The following MAGOHB variants were observed in gnomAD, a reference collection of about 807,000 sequenced individuals.
MAGOHB encodes protein mago nashi homolog 2.
Under a neutral mutation model 20.9 loss-of-function variants are expected in MAGOHB, and 15 were observed. The ratio of observed to expected loss-of-function variants is 0.72; its 90% CI spans 0.48 to 1.11. MAGOHB has a LOEUF of 1.11. Ranked by LOEUF, MAGOHB falls within the 50% of genes least tolerant of loss-of-function variation. The pLI, the probability that MAGOHB is intolerant of heterozygous loss-of-function variation, is 0.00. For synonymous variants in MAGOHB, 50 were observed against 57.9 expected, an observed-to-expected ratio of 0.86 and a Z score of 0.62; for missense variants, 162 against 177.6, an observed-to-expected ratio of 0.91 and a Z score of 0.50.
intron 1 of MAGOHB, chr12:10,612,597 G>T: frequency 1.0e-6 from 1 of 986,956 alleles, no homozygotes. Flanking sequence ...CTCCCACCAA[G>T]ACAAATCTGC....
At chr12:10,600,572 AAATT>A (rs1376848487), downstream of MAGOHB, among the ~76,000 whole-genome samples, 7 of 152,214 alleles carry the variant, frequency 4.6e-5, no homozygotes, top group African/African-American at 1.4e-4. Flanking sequence ...AGATACTGGC[AAATT>A]ATTTCTCTAC....
At chr12:10,609,979 C>G (rs760829888) in intron 2 of MAGOHB, 38 bp from the exon 3 acceptor site, 5 of 1,136,342 alleles carry the variant, frequency 4.4e-6, no homozygotes, top group Non-Finnish European at 6.4e-6. Flanking sequence ...TAATGCCCAC[C>G]TATGTCACCC....
intron 1 of MAGOHB, among the ~76,000 whole-genome samples, chr12:10,611,080 TTC>T (rs1175404336): frequency 1.3e-5 from 2 of 152,346 alleles, no homozygotes; most frequent in South Asian, 2.1e-4. Flanking sequence ...TCGGGTTTTA[TTC>T]TCTCACCTAT....
At chr12:10,609,660 GGTAGCAC>G (rs1479016527) in intron 3 of MAGOHB, 164 bp downstream of exon 3, 1 of 587,766 alleles carries the variant, frequency 1.7e-6, no homozygotes, top group Non-Finnish European at 3.0e-6. Context: ...ACTACTAGGA[GGTAGCAC>G]AGAAAAACAG....
At chr12:10,612,192 TAACATAAC>T in intron 1 of MAGOHB, among the ~76,000 whole-genome samples, 1 of 31,556 alleles carries the variant, frequency 3.2e-5, no homozygotes, top group Non-Finnish European at 1.1e-4. Flanking sequence ...CTACAAAAAA[TAACATAAC>T]ATAACATAAC....
chr12:10,609,845 T>C lies in MAGOHB; in HGVS notation c.250A>G (p.Arg84Gly). The C allele has an allele frequency of 6.2e-7, 1 of 1,608,198 alleles. No individual in the cohort carries two copies. Among genetic ancestry groups the C allele is most frequent in the Non-Finnish European group, 8.5e-7 (1 of 1,175,310 alleles). Residue 84 changes from arginine (R) to glycine (G), a missense_variant, in exon 3 of 5, where the codon AGG (arginine) becomes GGG (glycine). Physicochemically the swap from Arg to Gly is moderately radical, Grantham distance 125. Transcript: ENST00000320756. ...TAAATACAAACCTGTCGGCCAACCC[T>C]ATCAGGGGGAGGCCACAAAGCATCA... ...EDDALWPPPD[R>G]VGRQELEIVI...
At chr12:10,602,837 C>T (rs148314900), downstream of MAGOHB, among the ~76,000 whole-genome samples, 33 of 152,248 alleles carry the variant, frequency 2.2e-4, no homozygotes, top group Middle Eastern at 3.4e-3. Context: ...GTCACACTGT[C>T]AAACCTCAGT....
rs555120567 is a variant in MAGOHB at position 10,613,584 on chromosome 12, C to T, written c.-52G>A. 8 of 1,220,144 alleles carry T rather than the reference C, an allele frequency of 6.6e-6. No homozygotes were observed. In the South Asian group the frequency reaches 7.2e-5, roughly 11 times the overall value. 75.6% of individuals were successfully genotyped at this position (1,220,144 alleles called of 1,614,324 possible). A position where few individuals can be genotyped will look rare whatever the true frequency, so the allele number is the denominator to read the frequency against. On this transcript the variant is annotated 5_prime_UTR_variant, in exon 1 of 5. Coordinates refer to ENST00000320756, the MANE Select transcript of MAGOHB (RefSeq NM_018048.5). ...ACGCAGCCAACGTGTCCCCCGGCGC[C>T]TTGCAGTGACGTCATCGCGCGGAAT...
At chr12:10,607,539 T>A (rs763970645) in intron 4 of MAGOHB, among the ~76,000 whole-genome samples, 7 of 152,212 alleles carry the variant, frequency 4.6e-5, no homozygotes, top group Non-Finnish European at 1.0e-4. Flanking sequence ...GAGGCTGACA[T>A]AATCCAATAA....
downstream of MAGOHB, among the ~76,000 whole-genome samples, chr12:10,600,397 CTTT>C (rs879519874): frequency 7.0e-6 from 1 of 143,728 alleles, no homozygotes; most frequent in African/African-American, 2.5e-5. Context: ...TTGGTCTGTA[CTTT>C]TTTTTTTTAG....
chr12:10,610,563 A>AC (rs1865708421), intron 2 of MAGOHB, 59 bp downstream of exon 2: 2 of 1,459,748 alleles, frequency 1.4e-6, no homozygotes, highest in East Asian at 5.5e-5. Flanking sequence ...GACTTGAAGA[A>AC]AATGGGCTAA....
chr12:10,610,540 T>A (rs564630751), intron 2 of MAGOHB, 82 bp downstream of exon 2: 8 of 1,384,302 alleles, frequency 5.8e-6, no homozygotes, highest in African/African-American at 5.2e-5. Flanking sequence ...TGTACTTTTT[T>A]AAATTCAACA....
rs1230092561 is a variant in MAGOHB, at chr12:10,605,187, T to A, written c.*1088A>T. 6.6e-6 allele frequency: 1 copy of A among 152,224 alleles called. No individual in the cohort carries two copies. The allele number at this position is 152,224 out of a possible 1,614,324, so 9.4% of individuals were successfully genotyped here. On this transcript the variant is annotated 3_prime_UTR_variant, in exon 5 of 5. Transcript: ENST00000320756. ...TCAGTTATACAAGGCACACCTCAAG[T>A]AATCAGTAGGCCTCATTTGGCCAGT...
downstream of MAGOHB, among the ~76,000 whole-genome samples, chr12:10,602,479 GAAGAT>G (rs1170263863): frequency 3.3e-5 from 5 of 152,192 alleles, no homozygotes; most frequent in African/African-American, 9.6e-5. Flanking sequence ...ATCAGCACCA[GAAGAT>G]AACAGTAACT....
At position 10,613,384 on chromosome 12, in the gene MAGOHB, G is replaced by C. The variant is rs1444819918; in HGVS notation, c.94+55C>G. 2.8e-5 allele frequency: 41 copies of C among 1,487,296 alleles called. 1 individual carries two copies. Among genetic ancestry groups the C allele is most frequent in the Non-Finnish European group, 3.9e-5 (41 of 1,064,262 alleles). 92.1% of individuals were successfully genotyped at this position (1,487,296 alleles called of 1,614,324 possible). On this transcript the variant is annotated intron_variant, in intron 1 of 4. Coordinates refer to ENST00000320756, the MANE Select transcript of MAGOHB (RefSeq NM_018048.5). ...CCGCCTGTACCCTCCACACCACCCG[G>C]CCTCTCGGTCTCGCTCCCCTTTCCC... is the stretch of plus-strand genomic sequence containing the variant.
At chr12:10,607,512 G>A (rs1447334266) in intron 4 of MAGOHB, among the ~76,000 whole-genome samples, 2 of 152,166 alleles carry the variant, frequency 1.3e-5, no homozygotes, top group South Asian at 4.1e-4. Flanking sequence ...AGGACAGTGA[G>A]ATGATATAGG....
downstream of MAGOHB, among the ~76,000 whole-genome samples, chr12:10,599,889 A>G (rs1201444319): frequency 3.9e-5 from 6 of 152,200 alleles, no homozygotes; most frequent in Non-Finnish European, 7.4e-5. Flanking sequence ...ATCATTAACA[A>G]AAAACTAACG....
rs561894354 is a variant in MAGOHB, at chr12:10,607,707, C to T, written c.347+147G>A. The T allele has an allele frequency of 2.7e-4, 162 of 591,944 alleles. No individual in the cohort carries two copies. In the African/African-American group the frequency reaches 2.8e-3, roughly 10 times the overall value. 36.7% of individuals were successfully genotyped at this position (591,944 alleles called of 1,614,324 possible). A position where few individuals can be genotyped will look rare whatever the true frequency, so the allele number is the denominator to read the frequency against. Reference sequence around the variant, plus strand: ...TTCTACTGAGAGACAAGATAATAAGCCTTTAATGACATAAAAATCAGGATT... The same window carrying T: ...TTCTACTGAGAGACAAGATAATAAGTCTTTAATGACATAAAAATCAGGATT... On this transcript the variant is annotated intron_variant, in intron 4 of 4. Coordinates refer to ENST00000320756, the MANE Select transcript of MAGOHB (RefSeq NM_018048.5).
chr12:10,610,798 C>G, intron 1 of MAGOHB, 118 bp from the exon 2 acceptor site: 1 of 955,114 alleles, frequency 1.0e-6, no homozygotes, highest in South Asian at 2.1e-5. Flanking sequence ...AATATTTCCT[C>G]CCTCCTTGTG....
Sources: gnomAD v4.1 joint callset for allele counts (sites outside exome capture counted in the v4.1 genomes callset) on GRCh38, gnomAD v4.1.1 for gene constraint, MANE v1.5 for transcripts, NCBI Gene and HGNC (gene_info 2026-07-23, HGNC 2026-07-21) for gene names.